HS3ST1: variants seen among roughly 807,000 people sequenced by gnomAD.
The protein encoded by HS3ST1 is heparan sulfate glucosamine 3-O-sulfotransferase 1.
Under a neutral mutation model 20.7 loss-of-function variants are expected in HS3ST1, and 8 were observed. The ratio of observed to expected loss-of-function variants is 0.39; its 90% CI spans 0.23 to 0.70. The LOEUF (loss-of-function observed/expected upper bound fraction) is 0.70, where lower values mean the gene tolerates loss of function less well. Among genes scored for constraint, HS3ST1 ranks in the 30% least tolerant of loss-of-function variants. HS3ST1 has a pLI of 0.46. For synonymous variants in HS3ST1, 205 were observed against 190.4 expected (o/e 1.08, Z -0.63); for missense variants, 436 against 423.4 (o/e 1.03, Z -0.26).
At chr4:11,400,976 A>C (rs1718309306) in intron 1 of HS3ST1, among the ~76,000 whole-genome samples, 1 of 152,180 alleles carries the variant, frequency 6.6e-6, no homozygotes, top group African/African-American at 2.4e-5. Context: ...CTCATGAGTG[A>C]AGATGCATGA....
chr4:11,418,929 C>G (rs1474999698), intron 1 of HS3ST1, among the ~76,000 whole-genome samples: 1 of 152,058 alleles, frequency 6.6e-6, no homozygotes, highest in Non-Finnish European at 1.5e-5. Context: ...ATGTCTTTCC[C>G]TCAAGATCAT....
At chr4:11,410,684 G>A (rs894154564) in intron 1 of HS3ST1, among the ~76,000 whole-genome samples, 2 of 152,150 alleles carry the variant, frequency 1.3e-5, no homozygotes, top group African/African-American at 4.8e-5. Context: ...ATGAGGTCAA[G>A]AGTTCAAGAC....
Position 11,396,658 on chromosome 4 carries a change from T to A in HS3ST1, c.*2424A>T, listed in dbSNP as rs1019436378. Reference sequence around the variant, plus strand: ...GGGTAAGTCTGGAGTGATGGTTTCTTACACAGTGTACCTTCTCAATGACTG... The same window carrying A: ...GGGTAAGTCTGGAGTGATGGTTTCTAACACAGTGTACCTTCTCAATGACTG... On this transcript the variant is annotated 3_prime_UTR_variant, in exon 2 of 2. Transcript: ENST00000002596. The A allele has an allele frequency of 6.6e-6, 1 of 152,286 alleles. No homozygotes were observed. Among genetic ancestry groups the A allele is most frequent in the Admixed American group, 6.5e-5 (1 of 15,290 alleles). The allele number at this position is 152,286 out of a possible 1,614,324, so 9.4% of individuals were successfully genotyped here. A position where few individuals can be genotyped will look rare whatever the true frequency, so the allele number is the denominator to read the frequency against.
intron 1 of HS3ST1, among the ~76,000 whole-genome samples, chr4:11,427,322 G>C (rs1179940590): frequency 6.6e-6 from 1 of 152,162 alleles, no homozygotes; most frequent in African/African-American, 2.4e-5. Flanking sequence ...GGCTACTGGC[G>C]GGAGGCGCAG....
At chr4:11,425,529 A>G (rs1719037751) in intron 1 of HS3ST1, among the ~76,000 whole-genome samples, 1 of 152,250 alleles carries the variant, frequency 6.6e-6, no homozygotes, top group East Asian at 1.9e-4. Flanking sequence ...CGGTGCTTGT[A>G]GCATTCAGGT....
intron 1 of HS3ST1, among the ~76,000 whole-genome samples, chr4:11,426,139 C>G (rs368125915): frequency 3.3e-5 from 5 of 152,174 alleles, no homozygotes; most frequent in Non-Finnish European, 7.3e-5. Context: ...ACACCAGATA[C>G]ATCTTACTGT....
At position 11,399,328 on chromosome 4, in the gene HS3ST1, A is replaced by G; in HGVS notation, c.678T>C (p.Pro226=). 1.2e-6 allele frequency: 2 copies of G among 1,611,478 alleles called. No individual in the cohort carries two copies. The highest frequency in any genetic ancestry group is 1.7e-6 in the Non-Finnish European group (2 of 1,177,590). The change falls in exon 2 of 2, where the codon CCT becomes CCC. Residue 226 remains proline (P), a synonymous_variant. Transcript: ENST00000002596. The surrounding 1 kb of genome is among the most constrained non-coding windows in gnomAD (Gnocchi z 5.1). ...DGDRLIRDPF[P]EIQKVERFLK... ...GGAACCTCTCGACCTTTTGGATCTC[A>G]GGGAAGGGGTCCCTGATGAGGCGGT...
chr4:11,426,376 C>A (rs1477733825), intron 1 of HS3ST1, among the ~76,000 whole-genome samples: 2 of 143,704 alleles, frequency 1.4e-5, no homozygotes, highest in South Asian at 2.2e-4. Context: ...CCCCCCCCAA[C>A]CCTCACAAGA....
intron 1 of HS3ST1, among the ~76,000 whole-genome samples, chr4:11,425,028 C>T (rs1164253975): frequency 1.3e-5 from 2 of 152,146 alleles, no homozygotes; most frequent in African/African-American, 2.4e-5. Flanking sequence ...GTCTGGAATC[C>T]TTTGTACCTT....
At chr4:11,405,276 A>G (rs902482002) in intron 1 of HS3ST1, among the ~76,000 whole-genome samples, 1 of 152,204 alleles carries the variant, frequency 6.6e-6, no homozygotes, top group Non-Finnish European at 1.5e-5. Flanking sequence ...GTGAAAACCC[A>G]AGGCCTGAGT....
chr4:11,433,382 C>T (rs1207496685), upstream of HS3ST1, among the ~76,000 whole-genome samples: 1 of 152,170 alleles, frequency 6.6e-6, no homozygotes, highest in Non-Finnish European at 1.5e-5. Context: ...GTTATGTAAA[C>T]AACTATAGAC....
chr4:11,417,514 C>G (rs975576444), intron 1 of HS3ST1, among the ~76,000 whole-genome samples: 4 of 152,182 alleles, frequency 2.6e-5, no homozygotes, highest in Admixed American at 6.5e-5. Flanking sequence ...AGAGATTATT[C>G]ACCTGCCCAA....
chr4:11,409,250 A>G (rs1407217732), intron 1 of HS3ST1, among the ~76,000 whole-genome samples: 1 of 152,214 alleles, frequency 6.6e-6, no homozygotes, highest in Non-Finnish European at 1.5e-5. Flanking sequence ...AAACCAAAGT[A>G]AATTGTTTCC....
chr4:11,400,364 C>G (rs1311096069), intron 1 of HS3ST1, among the ~76,000 whole-genome samples: 1 of 152,180 alleles, frequency 6.6e-6, no homozygotes, highest in African/African-American at 2.4e-5. Context: ...CAGCCATAGA[C>G]AACACACAAG....
At chr4:11,423,001 C>G (rs1718975153) in intron 1 of HS3ST1, among the ~76,000 whole-genome samples, 1 of 101,492 alleles carries the variant, frequency 9.9e-6, no homozygotes, top group Non-Finnish European at 1.7e-5. Flanking sequence ...CCAGCCAGGG[C>G]AACAAGAGCG....
intron 1 of HS3ST1, among the ~76,000 whole-genome samples, chr4:11,417,933 T>C (rs1305665799): frequency 3.9e-5 from 6 of 152,224 alleles, no homozygotes; most frequent in Non-Finnish European, 4.4e-5. Context: ...CCATATTCGA[T>C]TCATTTTCCT....
chr4:11,408,460 G>T (rs1027380218), intron 1 of HS3ST1, among the ~76,000 whole-genome samples: 1 of 152,192 alleles, frequency 6.6e-6, no homozygotes, highest in African/African-American at 2.4e-5. Context: ...AAAGAAGAAA[G>T]GACAGTGACA....
chr4:11,423,021 CAAAAAAA>C (rs71181101), intron 1 of HS3ST1, among the ~76,000 whole-genome samples: 8 of 34,392 alleles, frequency 2.3e-4, no homozygotes, highest in African/African-American at 6.0e-4. Flanking sequence ...GAGACACCGT[CAAAAAAA>C]AAAAAAAAAA....
chr4:11,420,914 C>T (rs530948397), intron 1 of HS3ST1, among the ~76,000 whole-genome samples: 13 of 152,240 alleles, frequency 8.5e-5, no homozygotes, highest in Middle Eastern at 3.4e-3. Context: ...AGAAAAGAAT[C>T]GTTCAGAACT....
Sources: allele counts gnomAD v4.1 joint callset (sites outside exome capture counted in the v4.1 genomes callset), GRCh38; gene constraint gnomAD v4.1.1; non-coding constraint Gnocchi (gnomAD v3.1); transcripts MANE v1.5; gene names NCBI Gene and HGNC (gene_info 2026-07-23, HGNC 2026-07-21).